MEAF6: variants seen among roughly 807,000 people sequenced by gnomAD.
The protein encoded by MEAF6 is chromatin modification-related protein MEAF6.
Under a neutral mutation model 28.9 loss-of-function variants are expected in MEAF6, and 15 were observed. The ratio of observed to expected loss-of-function variants is 0.52; its 90% CI spans 0.35 to 0.80. The LOEUF is 0.80. Ranked by LOEUF, MEAF6 falls within the 30% of genes least tolerant of loss-of-function variation. The pLI, the probability that MEAF6 is intolerant of heterozygous loss-of-function variation, is 0.01. For missense variants in MEAF6, 178 were observed against 237.5 expected (o/e 0.75, Z 1.65); for synonymous variants, 97 against 88.7 (o/e 1.09, Z -0.53).
In MEAF6 at chr1:37,496,047, G is replaced by C. The variant is rs1569953921; in HGVS notation, c.534-129C>G. ...TAAGAAAAATCCACATTCTTCATTA[G>C]ACTATGTCATATTTAGTTGTTTACC... On this transcript the variant is annotated intron_variant, in intron 5 of 6. Coordinates refer to ENST00000296214, the MANE Select transcript of MEAF6 (RefSeq NM_001270875.3). 6.8e-6 allele frequency: 5 copies of C among 731,152 alleles called. No homozygotes were observed. The East Asian group carries it at 1.3e-4, about 19-fold the overall frequency. The allele number at this position is 731,152 out of a possible 1,614,324, so 45.3% of individuals were successfully genotyped here.
At chr1:37,496,891 T>G (rs1642143257) in intron 5 of MEAF6, among the ~76,000 whole-genome samples, 1 of 152,208 alleles carries the variant, frequency 6.6e-6, no homozygotes, top group Non-Finnish European at 1.5e-5. Context: ...ACCAAAGATT[T>G]TGTGGTCAGA....
At chr1:37,500,977 C>T (rs1463253367) in intron 5 of MEAF6, 2 of 154,144 alleles carry the variant, frequency 1.3e-5, no homozygotes, top group Non-Finnish European at 2.9e-5. Flanking sequence ...ATAGGGTCTC[C>T]ATTTCTCCTG....
In MEAF6 at chr1:37,509,294, G is replaced by A. The variant is rs142473305; in HGVS notation, c.324C>T (p.Asp108=). 6.2e-7 allele frequency: 1 copy of A among 1,614,020 alleles called. No individual in the cohort carries two copies. The highest frequency in any genetic ancestry group is 1.3e-5 in the African/African-American group (1 of 75,016). Residue 108 remains aspartate (D), a synonymous_variant, in exon 4 of 7, where the codon GAC becomes GAT. Transcript: ENST00000296214. Reference sequence around the variant, plus strand: ...TCAACTTACTCTTTTCAATGAGCTGGTCCTGAACTCCTGCCAATGCACTTA... The same window carrying A: ...TCAACTTACTCTTTTCAATGAGCTGATCCTGAACTCCTGCCAATGCACTTA... ...AAVSALAGVQ[D]QLIEKREPGS... is the part of the protein sequence containing the mutation.
intron 4 of MEAF6, among the ~76,000 whole-genome samples, chr1:37,506,287 A>T (rs61779861): frequency 6.6e-6 from 1 of 151,984 alleles, no homozygotes; most frequent in Non-Finnish European, 1.5e-5. Flanking sequence ...AAAAAAACTT[A>T]GATGCCACTA....
intron 4 of MEAF6, 98 bp from the exon 5 acceptor site, chr1:37,502,094 C>A (rs866438300): frequency 5.3e-6 from 5 of 938,864 alleles, no homozygotes; most frequent in Middle Eastern, 4.7e-4. Flanking sequence ...AAAAACCATT[C>A]CCTATCCTCT....
Position 37,493,881 on chromosome 1 carries a change from G to C in MEAF6, c.*218C>G. 2 of 1,565,294 alleles carry C rather than the reference G, an allele frequency of 1.3e-6. No homozygotes were observed. The highest frequency in any genetic ancestry group is 1.7e-6 in the Non-Finnish European group (2 of 1,157,058). ...ACAACATTGTCTTCATCTTCCTGCA[G>C]TTCTGTTACTAAAAATGACATAAAG... On this transcript the variant is annotated 3_prime_UTR_variant, in exon 7 of 7. Transcript: ENST00000296214.
At chr1:37,510,022 C>T (rs1569986992) in intron 2 of MEAF6, among the ~76,000 whole-genome samples, 1 of 151,846 alleles carries the variant, frequency 6.6e-6, no homozygotes, top group African/African-American at 2.4e-5. Context: ...GGTGATCTAC[C>T]CACATCAGCC....
At chr1:37,499,165 T>A (rs963533475) in intron 5 of MEAF6, among the ~76,000 whole-genome samples, 1 of 151,654 alleles carries the variant, frequency 6.6e-6, no homozygotes, top group Non-Finnish European at 1.5e-5. Context: ...AAAAAAAAAA[T>A]TTCATATTCC....
chr1:37,507,968 T>C (rs1281229514), intron 4 of MEAF6, among the ~76,000 whole-genome samples: 1 of 152,154 alleles, frequency 6.6e-6, no homozygotes, highest in East Asian at 1.9e-4. Context: ...CCTCATATCA[T>C]TGTACCAATG....
chr1:37,502,926 GTTTTA>G (rs1301430275), intron 4 of MEAF6, among the ~76,000 whole-genome samples: 3 of 149,984 alleles, frequency 2.0e-5, no homozygotes, highest in Admixed American at 6.6e-5. Context: ...AGCCTGGTAA[GTTTTA>G]TTTTATTTCA....
At chr1:37,496,569 T>C in intron 5 of MEAF6, 1 of 1,429,410 alleles carries the variant, frequency 7.0e-7, no homozygotes, top group Non-Finnish European at 9.2e-7. Context: ...TTTCTGTTTT[T>C]AAAAAAAACT....
intron 5 of MEAF6, among the ~76,000 whole-genome samples, chr1:37,497,886 C>G (rs1642172033): frequency 6.6e-6 from 1 of 152,022 alleles, no homozygotes; most frequent in Non-Finnish European, 1.5e-5. Flanking sequence ...GCCACTGCAC[C>G]CAGCCTGCAG....
intron 5 of MEAF6, chr1:37,496,728 C>G: frequency 6.2e-7 from 1 of 1,601,102 alleles, no homozygotes; most frequent in Non-Finnish European, 8.5e-7. Flanking sequence ...ATCAAACATG[C>G]CAGACGGGCT....
chr1:37,508,278 T>TC (rs1642552718), intron 4 of MEAF6, among the ~76,000 whole-genome samples: 1 of 113,028 alleles, frequency 8.8e-6, no homozygotes, highest in Non-Finnish European at 2.1e-5. Context: ...GCATTTCTTT[T>TC]TTTTTTTTTT....
intron 5 of MEAF6, among the ~76,000 whole-genome samples, chr1:37,497,924 C>G (rs1354746659): frequency 6.6e-6 from 1 of 152,074 alleles, no homozygotes; most frequent in Non-Finnish European, 1.5e-5. Flanking sequence ...GGGAAAGCTG[C>G]CATCCACAAG....
At chr1:37,501,600 T>A in intron 5 of MEAF6, 2 of 429,174 alleles carry the variant, frequency 4.7e-6, no homozygotes, top group Non-Finnish European at 8.3e-6. Context: ...GTGAGAAGAA[T>A]GTCCTGGAGT....
At chr1:37,509,572 A>T in intron 2 of MEAF6, 30 bp from the exon 3 acceptor site, 2 of 1,588,184 alleles carry the variant, frequency 1.3e-6, no homozygotes, top group Non-Finnish European at 1.7e-6. Flanking sequence ...CATTATGAGC[A>T]CCAAGCTATG....
At chr1:37,494,559 G>A (rs1362032568) in intron 6 of MEAF6, among the ~76,000 whole-genome samples, 1 of 148,284 alleles carries the variant, frequency 6.7e-6, no homozygotes, top group Non-Finnish European at 1.5e-5. Flanking sequence ...GGCCAGGCGT[G>A]GTGGCTCAGG....
chr1:37,490,055 G>A lies in MEAF6; in HGVS notation c.*4044C>T, dbSNP rs1040385796. ...CATGTACTAATGAACTAATATTGAT[G>A]TATATTTGATGTATATATATAAAAT... On this transcript the variant is annotated 3_prime_UTR_variant, in exon 7 of 7. Coordinates refer to ENST00000296214, the MANE Select transcript of MEAF6 (RefSeq NM_001270875.3). Among the ~76,000 whole-genome samples the A allele has an allele frequency of 1.7e-4, 26 of 152,092 alleles. No individual in the cohort carries two copies. Among genetic ancestry groups the A allele is most frequent in the Non-Finnish European group, 3.4e-4 (23 of 68,026 alleles).
Sources: gnomAD v4.1 joint callset for allele counts (sites outside exome capture counted in the v4.1 genomes callset) on GRCh38, gnomAD v4.1.1 for gene constraint, MANE v1.5 for transcripts, NCBI Gene and HGNC (gene_info 2026-07-23, HGNC 2026-07-21) for gene names.